The following DNMBP variants were observed in gnomAD, a reference collection of about 807,000 sequenced individuals.
DNMBP encodes the protein dynamin-binding protein.
In DNMBP, 87 loss-of-function variants were observed where a neutral mutation model predicts 150.0. That is an observed-to-expected ratio of 0.58 (90% CI 0.49 to 0.69). The LOEUF (loss-of-function observed/expected upper bound fraction) is 0.69, where lower values mean the gene tolerates loss of function less well. Among genes scored for constraint, DNMBP ranks in the 30% least tolerant of loss-of-function variants. The pLI, the probability that DNMBP is intolerant of heterozygous loss-of-function variation, is 0.00. For synonymous variants in DNMBP, 711 were observed against 750.4 expected (o/e 0.95, Z 0.86); for missense variants, 1,774 against 1,949.0 (o/e 0.91, Z 1.69).
intron 14 of DNMBP, 49 bp downstream of exon 14, chr10:99,885,638 C>G: frequency 6.7e-7 from 1 of 1,503,672 alleles, no homozygotes; most frequent in Non-Finnish European, 8.9e-7. Flanking sequence ...CTGCAGGGTT[C>G]CCCCTCTTTA....
rs1590210653 is a variant in DNMBP at position 99,885,748 on chromosome 10, T to C, written c.3737A>G (p.Lys1246Arg). The C allele has an allele frequency of 6.2e-7, 1 of 1,601,394 alleles. No individual in the cohort carries two copies. Residue 1246 changes from lysine to arginine, a missense_variant, in exon 14 of 17, where the codon AAG becomes AGG. Physicochemically the swap from Lys to Arg is conservative, Grantham distance 26. Around this residue, in one of 2 missense-constraint regions of DNMBP, gnomAD observed 1,430 missense variants for 1,492.5 expected, o/e 0.96. Coordinates refer to ENST00000324109, the MANE Select transcript of DNMBP (RefSeq NM_015221.4). ...TFFPESLPAT[K>R]KPFERKTIDR... ...AATGGTTTTCCTCTCAAATGGCTTC[T>C]TGGTAGCTGGAAGAGACTCCGGGAA...
chr10:100,005,517 G>A (rs1382553066), intron 1 of DNMBP, among the ~76,000 whole-genome samples: 5 of 152,104 alleles, frequency 3.3e-5, no homozygotes, highest in Non-Finnish European at 7.4e-5. Flanking sequence ...ACTTTGGGAG[G>A]CCAAGGCAGG....
chr10:99,923,226 TA>T (rs1165118205), intron 4 of DNMBP, among the ~76,000 whole-genome samples: 3 of 151,940 alleles, frequency 2.0e-5, no homozygotes, highest in African/African-American at 7.3e-5. Flanking sequence ...CCGTCTCTAC[TA>T]AAAATACAAA....
rs899338599 is a variant in DNMBP, at chr10:99,876,406, C to CGGG, written c.*742_*744dup. 6.9e-6 allele frequency: 1 copy of CGGG among 145,400 alleles called. No individual in the cohort carries two copies. The highest frequency in any genetic ancestry group is 1.9e-4 in the East Asian group (1 of 5,140). 9.0% of individuals were successfully genotyped at this position (145,400 alleles called of 1,614,324 possible). ...CAAGACCCCATCTCAAAAAAAAAAG[C>CGGG]GGGGGGGCAGTGATTGTACCTAACA... On this transcript the variant is annotated 3_prime_UTR_variant, in exon 17 of 17. Transcript: ENST00000324109.
At chr10:99,982,339 G>A (rs1215585548) in intron 1 of DNMBP, among the ~76,000 whole-genome samples, 3 of 152,096 alleles carry the variant, frequency 2.0e-5, no homozygotes, top group East Asian at 3.9e-4. Flanking sequence ...AGCTACTGGG[G>A]AGGCTGAGGT....
At chr10:99,979,286 G>GT (rs1324213689) in intron 1 of DNMBP, among the ~76,000 whole-genome samples, 1 of 152,042 alleles carries the variant, frequency 6.6e-6, no homozygotes, top group East Asian at 1.9e-4. Context: ...CTATCACCAA[G>GT]TATCTACCCA....
chr10:99,879,732 C>T, intron 16 of DNMBP, 79 bp downstream of exon 16: 1 of 1,572,700 alleles, frequency 6.4e-7, no homozygotes, highest in Non-Finnish European at 8.6e-7. Context: ...AGGCAAGCCA[C>T]TTCTGCCTCA....
intron 15 of DNMBP, among the ~76,000 whole-genome samples, 179 bp from the exon 16 acceptor site, chr10:99,880,540 C>T (rs1006991664): frequency 6.6e-6 from 1 of 152,148 alleles, no homozygotes; most frequent in Non-Finnish European, 1.5e-5. Context: ...AGTGACAAAG[C>T]GGCTTGGAAC....
intron 4 of DNMBP, among the ~76,000 whole-genome samples, chr10:99,953,819 A>AAAAAAAAAAAAAAAAAAAAAG (rs1229016312): frequency 3.5e-4 from 47 of 133,478 alleles, no homozygotes; most frequent in Non-Finnish European, 5.5e-4. Context: ...GTCTCAAAAA[A>AAAAAAAAAAAAAAAAAAAAAG]AAAAAGAAAA....
intron 1 of DNMBP, among the ~76,000 whole-genome samples, chr10:99,986,609 A>AC (rs1364111016): frequency 1.4e-5 from 1 of 72,158 alleles, no homozygotes; most frequent in Non-Finnish European, 3.2e-5. Context: ...AAAAAAAAAA[A>AC]AAAAAAAAAA....
At chr10:99,972,725 C>A (rs1176445830) in intron 1 of DNMBP, among the ~76,000 whole-genome samples, 1 of 152,248 alleles carries the variant, frequency 6.6e-6, no homozygotes, top group East Asian at 1.9e-4. Flanking sequence ...ATCCTCCTAC[C>A]TCAGCTTTCT....
At chr10:99,978,841 C>T (rs1193470449) in intron 1 of DNMBP, among the ~76,000 whole-genome samples, 1 of 152,164 alleles carries the variant, frequency 6.6e-6, no homozygotes, top group African/African-American at 2.4e-5. Context: ...TCCCAAATTG[C>T]TGGGATTACA....
chr10:99,884,309 AGTC>A, intron 14 of DNMBP, 100 bp from the exon 15 acceptor site: 1 of 947,748 alleles, frequency 1.1e-6, no homozygotes. Flanking sequence ...AGGCAGGGAC[AGTC>A]AGTCACTGCC....
In DNMBP at chr10:99,926,861, T is replaced by C. The variant is rs963660868; in HGVS notation, c.2261-17715A>G. On this transcript the variant is annotated intron_variant, in intron 4 of 16. Coordinates refer to ENST00000324109, the MANE Select transcript of DNMBP (RefSeq NM_015221.4). ...GCTCTGGGAAGACACAGTTTGAAAT[T>C]TGAGTCCCTCCAAGTTAGGAGGTTC... The C allele has an allele frequency of 3.3e-5, 5 of 152,142 alleles. No individual in the cohort carries two copies. In the South Asian group the frequency reaches 8.3e-4, roughly 25 times the overall value. The allele number at this position is 152,142 out of a possible 1,614,324, so 9.4% of individuals were successfully genotyped here. A position where few individuals can be genotyped will look rare whatever the true frequency, so the allele number is the denominator to read the frequency against.
rs79448306 is a variant in DNMBP, at chr10:99,984,643, A to G, written c.-10-12509T>C. Among the ~76,000 whole-genome samples the G allele has an allele frequency of 3.2e-3, 490 of 152,346 alleles. 1 individual carries two copies. Among genetic ancestry groups the G allele is most frequent in the African/African-American group, 0.011 (464 of 41,580 alleles). On this transcript the variant is annotated intron_variant, in intron 1 of 16. Transcript: ENST00000324109. ...TGTTAGTGAGATCTGCAAGGCAGGC[A>G]TCTTGTTTCTTTTTCTTATCTGTTT...
rs992385857 is a variant in DNMBP, at chr10:99,989,702, ACT to A, written c.-10-17570_-10-17569del. Among the ~76,000 whole-genome samples the A allele has an allele frequency of 3.3e-5, 5 of 152,048 alleles. No homozygotes were observed. The East Asian group carries it at 9.6e-4, about 29-fold the overall frequency. ...CTCCAGCCTGGGCAACAAGAGCGAA[ACT>A]CTGTCTCAAAAAAAAGAAAAAACAG... is the stretch of plus-strand genomic sequence containing the variant. On this transcript the variant is annotated intron_variant, in intron 1 of 16. Coordinates refer to ENST00000324109, the MANE Select transcript of DNMBP (RefSeq NM_015221.4).
intron 4 of DNMBP, among the ~76,000 whole-genome samples, chr10:99,952,988 C>T (rs1383343032): frequency 2.0e-5 from 3 of 152,150 alleles, no homozygotes; most frequent in African/African-American, 7.2e-5. Context: ...ATCTCTGGTA[C>T]ACAAGCCAAA....
At position 100,000,408 on chromosome 10, in the gene DNMBP, C is replaced by G. The variant is rs1158181735; in HGVS notation, c.-11+9430G>C. Among the ~76,000 whole-genome samples, 13 of 152,272 alleles carry G rather than the reference C, an allele frequency of 8.5e-5. No individual in the cohort carries two copies. The East Asian group carries it at 2.5e-3, about 29-fold the overall frequency. On this transcript the variant is annotated intron_variant, in intron 1 of 16. Transcript: ENST00000324109. Reference sequence around the variant, plus strand: ...CAGACCCACAGCTAGAATGTCAGTGCTGATTATTCTCTCCCAGTCCATGTG... The same window carrying G: ...CAGACCCACAGCTAGAATGTCAGTGGTGATTATTCTCTCCCAGTCCATGTG...
intron 4 of DNMBP, 140 bp downstream of exon 4, chr10:99,955,074 G>T: frequency 2.9e-6 from 2 of 680,096 alleles, no homozygotes; most frequent in Non-Finnish European, 4.7e-6. Flanking sequence ...AAAAAAAAAA[G>T]AAAAGAAATT....
Sources: gnomAD v4.1 joint callset for allele counts (sites outside exome capture counted in the v4.1 genomes callset) on GRCh38, gnomAD v4.1.1 for gene constraint, gnomAD v4.1.1 regional missense constraint, MANE v1.5 for transcripts, NCBI Gene and HGNC (gene_info 2026-07-23, HGNC 2026-07-21) for gene names.